The following ABLIM2 variants were observed in gnomAD, a reference collection of about 807,000 sequenced individuals.
The protein encoded by ABLIM2 is actin binding LIM protein family member 2.
In ABLIM2, 53 loss-of-function variants were observed where a neutral mutation model predicts 97.7. That is an observed-to-expected ratio of 0.54 (90% confidence interval 0.44 to 0.68). The LOEUF is 0.68. Among genes scored for constraint, ABLIM2 ranks in the 30% least tolerant of loss-of-function variants. The probability of loss-of-function intolerance (pLI) is 0.00; values close to 1 mark genes in which losing one functional copy is unlikely to be tolerated. For missense variants in ABLIM2, 835 were observed against 867.2 expected (o/e 0.96, Z 0.47); for synonymous variants, 361 against 345.8 (o/e 1.04, Z -0.49).
rs913589037 is a variant in ABLIM2, at chr4:8,003,934, G to A, written c.1618+4125C>T. On this transcript the variant is annotated intron_variant, in intron 16 of 20. Transcript: ENST00000447017. The surrounding 1 kb of genome is among the most constrained non-coding windows in gnomAD (Gnocchi z 4.2). ...TCTCACGTCTCTAAGCCTGAGGCCAGGTGCCCTGCCCGTCCCACCAGATAT... is the reference window on the plus strand; with the variant it reads ...TCTCACGTCTCTAAGCCTGAGGCCAAGTGCCCTGCCCGTCCCACCAGATAT... Among the ~76,000 whole-genome samples, 1 of 152,112 alleles carries A rather than the reference G, an allele frequency of 6.6e-6. No homozygotes were observed. Among genetic ancestry groups the A allele is most frequent in the Non-Finnish European group, 1.5e-5 (1 of 68,030 alleles).
In ABLIM2 at chr4:8,149,903, G is replaced by C. The variant is rs1447217402; in HGVS notation, c.10+8777C>G. ...GGGACGATTCAGAGGCTCCCAGTGG[G>C]ACTGAGTCCCCACTTGCCAGAGTGG... On this transcript the variant is annotated intron_variant, in intron 1 of 20. Transcript: ENST00000447017. The surrounding 1 kb of genome is among the most constrained non-coding windows in gnomAD (Gnocchi z 6.4). Among the ~76,000 whole-genome samples the C allele has an allele frequency of 6.6e-6, 1 of 152,084 alleles. No homozygotes were observed.
intron 6 of ABLIM2, among the ~76,000 whole-genome samples, chr4:8,065,538 A>G (rs74750204): frequency 0.04 from 6,150 of 152,318 alleles, 430 homozygotes; most frequent in African/African-American, 0.14. Flanking sequence ...AAGACAGTGT[A>G]TTGGTTTTTC....
intron 9 of ABLIM2, among the ~76,000 whole-genome samples, chr4:8,037,733 C>T (rs571131963): frequency 6.6e-6 from 1 of 152,368 alleles, no homozygotes; most frequent in East Asian, 1.9e-4. Context: ...CAGCAAAGCA[C>T]CTGGCATTTG....
At chr4:8,020,519 C>A in intron 12 of ABLIM2, 1 of 646,660 alleles carries the variant, frequency 1.5e-6, no homozygotes, top group Non-Finnish European at 2.8e-6. Context: ...GAAGTCTGTC[C>A]AGAGTCCCAA....
chr4:8,123,685 C>T lies in ABLIM2; in HGVS notation c.11-17048G>A, dbSNP rs1846513883. 6.6e-6 allele frequency among the ~76,000 whole-genome samples: 1 copy of T among 152,310 alleles called. No individual in the cohort carries two copies. The highest frequency in any genetic ancestry group is 2.4e-5 in the African/African-American group (1 of 41,568). Reference sequence around the variant, plus strand: ...TGCCTTAAAGCGGGTCTCCTGGGGGCGTCATCCTTGTACTGACAGGGTCCG... The same window carrying T: ...TGCCTTAAAGCGGGTCTCCTGGGGGTGTCATCCTTGTACTGACAGGGTCCG... On this transcript the variant is annotated intron_variant, in intron 1 of 20. Coordinates refer to ENST00000447017, the MANE Select transcript of ABLIM2 (RefSeq NM_001130083.2). The surrounding 1 kb of genome is among the most constrained non-coding windows in gnomAD (Gnocchi z 6.2).
chr4:8,008,014 G>T (rs754087060), intron 16 of ABLIM2, 45 bp downstream of exon 16: 1 of 1,603,860 alleles, frequency 6.2e-7, no homozygotes, highest in South Asian at 1.1e-5. Flanking sequence ...TTGCCGCGAG[G>T]CATTTTGTGC....
chr4:8,125,707 C>T lies in ABLIM2; in HGVS notation c.11-19070G>A, dbSNP rs756147132. On this transcript the variant is annotated intron_variant, in intron 1 of 20. Coordinates refer to ENST00000447017, the MANE Select transcript of ABLIM2 (RefSeq NM_001130083.2). The surrounding 1 kb of genome is among the most constrained non-coding windows in gnomAD (Gnocchi z 6.2). The stretch of plus-strand genomic sequence containing the variant: ...GCACAGTGGGCCTGAGAAGGCATCG[C>T]AGACTCAGCTGAGCTGGAGAGGCCC... Among the ~76,000 whole-genome samples the T allele has an allele frequency of 2.0e-5, 3 of 152,224 alleles. No individual in the cohort carries two copies. The highest frequency in any genetic ancestry group is 4.4e-5 in the Non-Finnish European group (3 of 68,038).
At chr4:7,988,092 C>T (rs908446491) in intron 17 of ABLIM2, among the ~76,000 whole-genome samples, 23 of 151,968 alleles carry the variant, frequency 1.5e-4, no homozygotes, top group African/African-American at 4.3e-4. Context: ...GGTGTGATCT[C>T]GGCTCACTGC....
At chr4:8,024,384 G>A (rs1578961848) in intron 12 of ABLIM2, among the ~76,000 whole-genome samples, 1 of 152,180 alleles carries the variant, frequency 6.6e-6, no homozygotes, top group South Asian at 2.1e-4. Flanking sequence ...AAGGTGTGCC[G>A]GGGGTGAGGC....
rs1009361165 is a variant in ABLIM2 at position 8,033,147 on chromosome 4, C to T, written c.1047+3002G>A. Reference sequence around the variant, plus strand: ...GCTCTGCCGTGGGGGTCCTGGGGCCCTAGACAGCAGGCTGACCCGTCTTCC... The same window carrying T: ...GCTCTGCCGTGGGGGTCCTGGGGCCTTAGACAGCAGGCTGACCCGTCTTCC... On this transcript the variant is annotated intron_variant, in intron 10 of 20. Transcript: ENST00000447017. This position sits in a 1 kb window ranked among gnomAD's most constrained non-coding sequence, Gnocchi z 4.5. Among the ~76,000 whole-genome samples, 1 of 152,206 alleles carries T rather than the reference C, an allele frequency of 6.6e-6. No homozygotes were observed. Among genetic ancestry groups the T allele is most frequent in the African/African-American group, 2.4e-5 (1 of 41,452 alleles).
At chr4:8,064,398 G>T (rs938125036) in intron 6 of ABLIM2, among the ~76,000 whole-genome samples, 5 of 152,206 alleles carry the variant, frequency 3.3e-5, no homozygotes, top group South Asian at 2.1e-4. Flanking sequence ...ATGGGAACAG[G>T]ACGGGTGGCT....
At chr4:8,030,371 G>A (rs796174858) in intron 10 of ABLIM2, among the ~76,000 whole-genome samples, 2 of 152,314 alleles carry the variant, frequency 1.3e-5, no homozygotes, top group African/African-American at 2.4e-5. Context: ...TGGCACGGGG[G>A]AGAGCAGGCT....
rs766685239 is a variant in ABLIM2 at position 8,148,433 on chromosome 4, C to T, written c.10+10247G>A. On this transcript the variant is annotated intron_variant, in intron 1 of 20. Transcript: ENST00000447017. This position sits in a 1 kb window ranked among gnomAD's most constrained non-coding sequence, Gnocchi z 6.7. Reference sequence around the variant, plus strand: ...CTCAGGACGCGGGGGGGCCATGGCGCACCACAGTTAGGAGTGCGGGTTCTG... The same window carrying T: ...CTCAGGACGCGGGGGGGCCATGGCGTACCACAGTTAGGAGTGCGGGTTCTG... Among the ~76,000 whole-genome samples the T allele has an allele frequency of 1.8e-4, 28 of 152,124 alleles. No homozygotes were observed. Among genetic ancestry groups the T allele is most frequent in the Non-Finnish European group, 3.5e-4 (24 of 68,018 alleles).
chr4:8,063,178 G>A (rs1436023643), intron 6 of ABLIM2, among the ~76,000 whole-genome samples: 2 of 152,148 alleles, frequency 1.3e-5, no homozygotes, highest in Non-Finnish European at 2.9e-5. Flanking sequence ...TGATTCTCCT[G>A]CCTCAGCCTC....
chr4:8,030,839 G>T (rs1038579597), intron 10 of ABLIM2, among the ~76,000 whole-genome samples: 1 of 152,188 alleles, frequency 6.6e-6, no homozygotes, highest in Admixed American at 6.5e-5. Flanking sequence ...GGCCCCTTGT[G>T]TGTTTGGCCG....
chr4:8,014,419 T>A (rs1767303551), intron 14 of ABLIM2, among the ~76,000 whole-genome samples: 2 of 152,212 alleles, frequency 1.3e-5, no homozygotes, highest in Admixed American at 1.3e-4. Flanking sequence ...AATCTCTATC[T>A]CTACAATTCA....
At chr4:8,036,597 G>C (rs1274927325) in intron 9 of ABLIM2, among the ~76,000 whole-genome samples, 2 of 152,210 alleles carry the variant, frequency 1.3e-5, no homozygotes, top group Non-Finnish European at 2.9e-5. Context: ...GGGAACTCCA[G>C]AGCAGGCAGG....
intron 7 of ABLIM2, among the ~76,000 whole-genome samples, chr4:8,057,583 T>G (rs1800125154): frequency 6.6e-6 from 1 of 152,220 alleles, no homozygotes; most frequent in Non-Finnish European, 1.5e-5. Flanking sequence ...TGTCCTTGAC[T>G]TCTCACCAAC....
chr4:8,099,612 G>A (rs962547378), intron 2 of ABLIM2, among the ~76,000 whole-genome samples: 2 of 152,196 alleles, frequency 1.3e-5, no homozygotes, highest in African/African-American at 4.8e-5. Flanking sequence ...TTGGGAGGCT[G>A]AGGCAGGCAG....
Sources: gnomAD v4.1 joint callset for allele counts (sites outside exome capture counted in the v4.1 genomes callset) on GRCh38, gnomAD v4.1.1 for gene constraint, Gnocchi (gnomAD v3.1) non-coding constraint, MANE v1.5 for transcripts, NCBI Gene and HGNC (gene_info 2026-07-23, HGNC 2026-07-21) for gene names.